CTNNA3: variants seen among roughly 807,000 people sequenced by gnomAD.
The protein encoded by CTNNA3 is catenin alpha 3.
A neutral mutation model predicts 95.7 loss-of-function variants in CTNNA3; 76 were observed. The ratio of observed to expected loss-of-function variants is 0.79; its 90% CI spans 0.66 to 0.96. The LOEUF is 0.96. Ranked by LOEUF, CTNNA3 falls within the 40% of genes least tolerant of loss-of-function variation. The pLI, the probability that CTNNA3 is intolerant of heterozygous loss-of-function variation, is 0.00. For missense variants in CTNNA3, 1,191 were observed against 1,089.8 expected (o/e 1.09, Z -1.31); for synonymous variants, 431 against 374.4 (o/e 1.15, Z -1.74).
At chr10:67,369,521 T>C (rs1210355431) in intron 5 of CTNNA3, among the ~76,000 whole-genome samples, 2 of 152,054 alleles carry the variant, frequency 1.3e-5, no homozygotes, top group Admixed American at 6.6e-5. Context: ...ATTAAAATCT[T>C]CTCCATGGCG....
chr10:66,591,598 C>A (rs369739706), intron 10 of CTNNA3, among the ~76,000 whole-genome samples: 1 of 152,186 alleles, frequency 6.6e-6, no homozygotes, highest in Admixed American at 6.5e-5. Flanking sequence ...CCCTCTTTTA[C>A]CTCCAGCTAT....
intron 10 of CTNNA3, among the ~76,000 whole-genome samples, chr10:66,539,591 G>T (rs1225965958): frequency 1.3e-5 from 2 of 152,064 alleles, no homozygotes; most frequent in Non-Finnish European, 2.9e-5. Flanking sequence ...ACTTTTGAAT[G>T]ATCTATAGGG....
chr10:67,382,829 CAA>C (rs1338919652), intron 5 of CTNNA3, among the ~76,000 whole-genome samples: 7 of 152,076 alleles, frequency 4.6e-5, no homozygotes, highest in Admixed American at 4.6e-4. Flanking sequence ...AAAGCGGGAA[CAA>C]GAGAGAGGAG....
At chr10:67,043,329 T>C (rs191116045) in intron 7 of CTNNA3, among the ~76,000 whole-genome samples, 3 of 152,224 alleles carry the variant, frequency 2.0e-5, no homozygotes, top group African/African-American at 7.2e-5. Flanking sequence ...TTCTCCTATG[T>C]TCTCTAGCAA....
intron 3 of CTNNA3, among the ~76,000 whole-genome samples, chr10:67,570,229 C>T (rs967187864): frequency 1.3e-5 from 2 of 152,004 alleles, no homozygotes; most frequent in African/African-American, 4.8e-5. Context: ...TCTTCTATTA[C>T]TTCCCCACAT....
At chr10:66,673,171 T>C (rs1209775958) in intron 9 of CTNNA3, among the ~76,000 whole-genome samples, 1 of 152,022 alleles carries the variant, frequency 6.6e-6, no homozygotes, top group African/African-American at 2.4e-5. Context: ...TGATAACAAA[T>C]AGCATGAAAA....
intron 13 of CTNNA3, among the ~76,000 whole-genome samples, chr10:66,199,422 T>C (rs2087172894): frequency 6.6e-6 from 1 of 151,706 alleles, no homozygotes; most frequent in African/African-American, 2.4e-5. Flanking sequence ...TGCATTTGTG[T>C]ATATTCTTTA....
rs189077824 is a variant in CTNNA3, at chr10:66,340,761, C to T, written c.1732+38391G>A. ...TTTCGTAACCATCCTGAGAGATATACGGATGAGATATTCTTACCCCTGTTT... is the reference window on the plus strand; with the variant it reads ...TTTCGTAACCATCCTGAGAGATATATGGATGAGATATTCTTACCCCTGTTT... On this transcript the variant is annotated intron_variant, in intron 12 of 17. Coordinates refer to ENST00000433211, the MANE Select transcript of CTNNA3 (RefSeq NM_013266.4). Among the ~76,000 whole-genome samples, 91 of 151,402 alleles carry T rather than the reference C, an allele frequency of 6.0e-4. 1 individual carries two copies. Among genetic ancestry groups the T allele is most frequent in the African/African-American group, 1.9e-3 (79 of 41,396 alleles).
At chr10:67,634,503 A>C (rs1326541954) in intron 2 of CTNNA3, among the ~76,000 whole-genome samples, 2 of 152,220 alleles carry the variant, frequency 1.3e-5, no homozygotes, top group Non-Finnish European at 2.9e-5. Flanking sequence ...AAATGGGCTA[A>C]ATGTTCCAAT....
chr10:65,927,749 T>C (rs2077189295), intron 17 of CTNNA3, among the ~76,000 whole-genome samples: 1 of 152,210 alleles, frequency 6.6e-6, no homozygotes, highest in Admixed American at 6.5e-5. Context: ...ATAAATAAAG[T>C]TGTTATGGCA....
At chr10:66,598,387 C>G (rs1235085436) in intron 10 of CTNNA3, among the ~76,000 whole-genome samples, 3 of 151,966 alleles carry the variant, frequency 2.0e-5, no homozygotes, top group East Asian at 3.9e-4. Flanking sequence ...TTCTATCCAA[C>G]ATTGTACTGG....
rs61257549 is a variant in CTNNA3 at position 66,315,810 on chromosome 10, C to T, written c.1733-35189G>A. Among the ~76,000 whole-genome samples the T allele has an allele frequency of 1.8e-3, 269 of 152,082 alleles. 3 individuals carry two copies. Among genetic ancestry groups the T allele is most frequent in the African/African-American group, 6.3e-3 (262 of 41,528 alleles). ...CTCTTAGGAACTGGAAAAGCTGAAG[C>T]CCATATTTCCTACAACATGATAAAA... On this transcript the variant is annotated intron_variant, in intron 12 of 17. Transcript: ENST00000433211.
intron 10 of CTNNA3, among the ~76,000 whole-genome samples, chr10:66,540,631 C>T (rs913213499): frequency 1.3e-5 from 2 of 151,474 alleles, no homozygotes; most frequent in African/African-American, 4.8e-5. Flanking sequence ...CCTCCCCTCC[C>T]TTCCCTTCCC....
chr10:67,656,534 A>C (rs1407178971), intron 1 of CTNNA3, among the ~76,000 whole-genome samples: 2 of 152,198 alleles, frequency 1.3e-5, no homozygotes, highest in African/African-American at 4.8e-5. Flanking sequence ...TAAATAGTAA[A>C]TGATTTCGTA....
rs569401556 is a variant in CTNNA3 at position 66,830,341 on chromosome 10, T to C, written c.1048-54817A>G. Among the ~76,000 whole-genome samples, 10 of 152,310 alleles carry C rather than the reference T, an allele frequency of 6.6e-5. No individual in the cohort carries two copies. The East Asian group carries it at 1.9e-3, about 29-fold the overall frequency. On this transcript the variant is annotated intron_variant, in intron 7 of 17. Coordinates refer to ENST00000433211, the MANE Select transcript of CTNNA3 (RefSeq NM_013266.4). ...TAAAACAGTATTAAGATATTTAAAA[T>C]GCAAACAAATACCTGAAGGTTTTTC... is the stretch of plus-strand genomic sequence containing the variant.
intron 7 of CTNNA3, among the ~76,000 whole-genome samples, chr10:66,795,388 A>G (rs1187137663): frequency 1.3e-5 from 2 of 152,152 alleles, no homozygotes; most frequent in East Asian, 3.9e-4. Flanking sequence ...TGCTTTGTTA[A>G]CAGTAATAAT....
intron 10 of CTNNA3, among the ~76,000 whole-genome samples, chr10:66,535,605 C>T (rs1841624740): frequency 6.6e-6 from 1 of 152,166 alleles, no homozygotes; most frequent in South Asian, 2.1e-4. Context: ...GAACTGGATG[C>T]ACTCCATAAT....
intron 5 of CTNNA3, among the ~76,000 whole-genome samples, chr10:67,228,997 C>T (rs1178473890): frequency 6.6e-6 from 1 of 152,038 alleles, no homozygotes; most frequent in African/African-American, 2.4e-5. Context: ...GCACCAGAAC[C>T]AGGAAAGGAC....
chr10:67,268,846 A>G (rs572950150), intron 5 of CTNNA3, among the ~76,000 whole-genome samples: 1 of 152,304 alleles, frequency 6.6e-6, no homozygotes, highest in South Asian at 2.1e-4. Flanking sequence ...AAATATCTCA[A>G]TCTTTAATTG....
Sources: allele counts gnomAD v4.1 joint callset (sites outside exome capture counted in the v4.1 genomes callset), GRCh38; gene constraint gnomAD v4.1.1; transcripts MANE v1.5; gene names NCBI Gene and HGNC (gene_info 2026-07-23, HGNC 2026-07-21).